JAG1: variants seen among roughly 807,000 people sequenced by gnomAD.
JAG1 encodes jagged canonical Notch ligand 1.
A neutral mutation model predicts 148.7 loss-of-function variants in JAG1; 23 were observed. The observed-to-expected ratio is 0.15, with a 90% CI of 0.11 to 0.22. The LOEUF is 0.22. Among genes scored for constraint, JAG1 ranks in the 10% least tolerant of loss-of-function variants. The probability of loss-of-function intolerance (pLI) is 1.00; values close to 1 mark genes in which losing one functional copy is unlikely to be tolerated. For missense variants in JAG1, 1,054 were observed against 1,611.2 expected (o/e 0.65, Z 5.92); for synonymous variants, 572 against 598.3 (o/e 0.96, Z 0.64).
intron 5 of JAG1, among the ~76,000 whole-genome samples, chr20:10,655,357 G>A (rs1018202793): frequency 2.6e-5 from 4 of 152,168 alleles, no homozygotes; most frequent in African/African-American, 9.7e-5. Context: ...CCACGAACCT[G>A]CATTTTAACA....
chr20:10,660,718 T>C (rs550307488), intron 3 of JAG1, among the ~76,000 whole-genome samples: 11 of 152,342 alleles, frequency 7.2e-5, no homozygotes, highest in African/African-American at 2.2e-4. Flanking sequence ...CGAGCATGTC[T>C]GGGTTCAAAT....
In JAG1 at chr20:10,673,038, G is replaced by T; in HGVS notation, c.82-32C>A. On this transcript the variant is annotated intron_variant, in intron 1 of 25. Transcript: ENST00000254958. The surrounding 1 kb of genome is among the most constrained non-coding windows in gnomAD (Gnocchi z 4.7). ...GCGAGGGAAGGAGGTAGGTCAGCGC[G>T]GGAGAAAGCTGTTTTCTTCGAGTAT... is the stretch of plus-strand genomic sequence containing the variant. 1.9e-6 allele frequency: 3 copies of T among 1,597,550 alleles called. No homozygotes were observed. The highest frequency in any genetic ancestry group is 2.5e-6 in the Non-Finnish European group (3 of 1,176,704).
chr20:10,650,585 T>TG, intron 8 of JAG1: 1 of 539,848 alleles, frequency 1.9e-6, no homozygotes, highest in Non-Finnish European at 3.3e-6. Context: ...ACCTAAGCAG[T>TG]GGGGGAGAAA....
chr20:10,656,378 C>A lies in JAG1; in HGVS notation c.755+20G>T. 1.2e-6 allele frequency: 2 copies of A among 1,600,356 alleles called. No homozygotes were observed. The highest frequency in any genetic ancestry group is 1.3e-5 in the African/African-American group (1 of 74,724). ...TAAAGGAAAATTAAAAGAAATCTCACAAAAGACCAGTTGATTTACCTGCAG... is the reference window on the plus strand; with the variant it reads ...TAAAGGAAAATTAAAAGAAATCTCAAAAAAGACCAGTTGATTTACCTGCAG... On this transcript the variant is annotated intron_variant, in intron 5 of 25. Coordinates refer to ENST00000254958, the MANE Select transcript of JAG1 (RefSeq NM_000214.3).
At chr20:10,642,043 T>C in intron 21 of JAG1, 151 bp from the exon 22 acceptor site, 1 of 711,986 alleles carries the variant, frequency 1.4e-6, no homozygotes, top group South Asian at 1.5e-5. Context: ...CTTCCTGCCT[T>C]TGCTGGCTCT....
At position 10,658,728 on chromosome 20, in the gene JAG1, G is replaced by A; in HGVS notation, c.440-6C>T. On this transcript the variant is annotated splice_region_variant and splice_polypyrimidine_tract_variant and intron_variant, in intron 3 of 25. Transcript: ENST00000254958. ...TTCAATAATACTGTCAGGTTCTAGAGACAAAGTGATGAATCATGTTAATAT... is the reference window on the plus strand; with the variant it reads ...TTCAATAATACTGTCAGGTTCTAGAAACAAAGTGATGAATCATGTTAATAT... 2 of 1,614,106 alleles carry A rather than the reference G, an allele frequency of 1.2e-6. No homozygotes were observed. The highest frequency in any genetic ancestry group is 1.7e-6 in the Non-Finnish European group (2 of 1,179,986).
At position 10,673,915 on chromosome 20, in the gene JAG1, A is replaced by C. The variant is rs1051412; in HGVS notation, c.-385T>G. ...GGGGAGGGAGGGGAGAAAAAAAAAA[A>C]CCAGCCTAGCTCGCGGGCCGGCCGC... is the stretch of plus-strand genomic sequence containing the variant. On this transcript the variant is annotated 5_prime_UTR_variant, in exon 1 of 26. Transcript: ENST00000254958. The surrounding 1 kb of genome is among the most constrained non-coding windows in gnomAD (Gnocchi z 4.7). 83,176 of 151,514 alleles carry C rather than the reference A, an allele frequency of 0.55. 23,579 individuals carry two copies. Among genetic ancestry groups the C allele is most frequent in the African/African-American group, 0.69 (28,365 of 41,114 alleles). 9.4% of individuals were successfully genotyped at this position (151,514 alleles called of 1,614,324 possible).
chr20:10,646,585 G>A (rs927643887), intron 14 of JAG1, among the ~76,000 whole-genome samples: 1 of 151,912 alleles, frequency 6.6e-6, no homozygotes, highest in African/African-American at 2.4e-5. Context: ...GGGGTCGGGG[G>A]GTGGATCATC....
In JAG1 at chr20:10,673,060, G is replaced by A; in HGVS notation, c.82-54C>T. On this transcript the variant is annotated intron_variant, in intron 1 of 25. Coordinates refer to ENST00000254958, the MANE Select transcript of JAG1 (RefSeq NM_000214.3). This position sits in a 1 kb window ranked among gnomAD's most constrained non-coding sequence, Gnocchi z 4.7. ...CGCGGGAGAAAGCTGTTTTCTTCGA[G>A]TATAGAGGTGGCGACTCCCTCCCAC... 1 of 1,548,106 alleles carries A rather than the reference G, an allele frequency of 6.5e-7. No individual in the cohort carries two copies. The highest frequency in any genetic ancestry group is 8.8e-7 in the Non-Finnish European group (1 of 1,135,508).
chr20:10,672,696 C>T lies in JAG1; in HGVS notation c.387+5G>A. 6.2e-7 allele frequency: 1 copy of T among 1,612,412 alleles called. No homozygotes were observed. Among genetic ancestry groups the T allele is most frequent in the Non-Finnish European group, 8.5e-7 (1 of 1,179,934 alleles). Reference sequence around the variant, plus strand: ...GCCCGGCCTCCTTCCCGAGTAGTCACTCACCGGCCAGGCGAAACTGAAAGG... The same window carrying T: ...GCCCGGCCTCCTTCCCGAGTAGTCATTCACCGGCCAGGCGAAACTGAAAGG... On this transcript the variant is annotated splice_donor_5th_base_variant and intron_variant, in intron 2 of 25. Coordinates refer to ENST00000254958, the MANE Select transcript of JAG1 (RefSeq NM_000214.3).
rs533445455 is a variant in JAG1 at position 10,644,578 on chromosome 20, G to A, written c.2345-194C>T. 2.4e-4 allele frequency: 160 copies of A among 668,806 alleles called. No individual in the cohort carries two copies. In the African/African-American group the frequency reaches 2.5e-3, roughly 10 times the overall value. 41.4% of individuals were successfully genotyped at this position (668,806 alleles called of 1,614,324 possible). A position where few individuals can be genotyped will look rare whatever the true frequency, so the allele number is the denominator to read the frequency against. On this transcript the variant is annotated intron_variant, in intron 18 of 25. Coordinates refer to ENST00000254958, the MANE Select transcript of JAG1 (RefSeq NM_000214.3). ...TTTGCTGTGGGACACATGTACACAGGAAGAGGCCCTGGTAGGGGATAGGGG... is the reference window on the plus strand; with the variant it reads ...TTTGCTGTGGGACACATGTACACAGAAAGAGGCCCTGGTAGGGGATAGGGG...
chr20:10,664,880 C>A (rs2067442736), intron 2 of JAG1, among the ~76,000 whole-genome samples: 1 of 152,336 alleles, frequency 6.6e-6, no homozygotes, highest in Non-Finnish European at 1.5e-5. Context: ...ACCTCCCCAC[C>A]CCCAGCCAAA....
Position 10,640,788 on chromosome 20 carries a change from C to G in JAG1, c.3194G>C (p.Arg1065Thr). 1 of 1,614,198 alleles carries G rather than the reference C, an allele frequency of 6.2e-7. No homozygotes were observed. Among genetic ancestry groups the G allele is most frequent in the Non-Finnish European group, 8.5e-7 (1 of 1,180,024 alleles). ...VRVQRRPLKN[R>T]TDFLVPLLSS... ...TAGTCCCACTTGACACCTACCTGTT[C>G]TGTTCTTCAGAGGCCGCCTCTGAAC... Residue 1065 changes from arginine (R) to threonine (T), a missense_variant, in exon 25 of 26, where the codon AGA becomes ACA. Physicochemically the swap from Arg to Thr is moderately conservative, Grantham distance 71. Coordinates refer to ENST00000254958, the MANE Select transcript of JAG1 (RefSeq NM_000214.3).
In JAG1 at chr20:10,645,277, G is replaced by T; in HGVS notation, c.2114-21C>A. The T allele has an allele frequency of 1.2e-6, 2 of 1,608,700 alleles. No homozygotes were observed. The highest frequency in any genetic ancestry group is 1.7e-6 in the Non-Finnish European group (2 of 1,175,066). On this transcript the variant is annotated intron_variant, in intron 16 of 25. Coordinates refer to ENST00000254958, the MANE Select transcript of JAG1 (RefSeq NM_000214.3). This position sits in a 1 kb window ranked among gnomAD's most constrained non-coding sequence, Gnocchi z 6.1. ...GTCACCTGGAGGAAAATATTTCAGT[G>T]TGAGTCCCAGTGGCCCCCTCCCACA...
intron 2 of JAG1, among the ~76,000 whole-genome samples, chr20:10,670,320 G>T (rs2067487183): frequency 6.6e-6 from 1 of 152,190 alleles, no homozygotes; most frequent in Admixed American, 6.5e-5. Context: ...TCATGCAAAT[G>T]GTAATTGTGC....
rs79338570 is a variant in JAG1 at position 10,672,794 on chromosome 20, G to A, written c.294C>T (p.Ser98=). ...AGGPCSFGSG[S]TPVIGGNTFN... is the part of the protein sequence containing the mutation. ...AGGTGTTGCCCCCGATGACAGGCGT[G>A]GACCCTGAGCCGAAGCTGCAGGGCC... is the stretch of plus-strand genomic sequence containing the variant. Residue 98 remains serine (S), a synonymous_variant, in exon 2 of 26, where the codon TCC becomes TCT. Coordinates refer to ENST00000254958, the MANE Select transcript of JAG1 (RefSeq NM_000214.3). The A allele has an allele frequency of 2.5e-3, 4,099 of 1,613,114 alleles. 85 individuals carry two copies. The African/African-American group carries it at 0.048, about 19-fold the overall frequency.
chr20:10,655,134 G>A (rs59575771), intron 5 of JAG1, among the ~76,000 whole-genome samples: 3,257 of 152,300 alleles, frequency 0.021, 104 homozygotes, highest in African/African-American at 0.074. Context: ...GAGACAATTC[G>A]GGACAACCAG....
chr20:10,645,508 C>A lies in JAG1; in HGVS notation c.2000-39G>T, dbSNP rs1402320152. On this transcript the variant is annotated intron_variant, in intron 15 of 25. Coordinates refer to ENST00000254958, the MANE Select transcript of JAG1 (RefSeq NM_000214.3). The surrounding 1 kb of genome is among the most constrained non-coding windows in gnomAD (Gnocchi z 6.1). The stretch of plus-strand genomic sequence containing the variant: ...GGAGACAATCGGCTGAAGACGAGAT[C>A]CAGGACCATTCACGACAGGCGAGAG... 6.5e-7 allele frequency: 1 copy of A among 1,535,170 alleles called. No individual in the cohort carries two copies. Among genetic ancestry groups the A allele is most frequent in the Admixed American group, 1.7e-5 (1 of 59,898 alleles).
At chr20:10,670,653 A>G (rs1174585871) in intron 2 of JAG1, among the ~76,000 whole-genome samples, 1 of 152,214 alleles carries the variant, frequency 6.6e-6, no homozygotes, top group Non-Finnish European at 1.5e-5. Context: ...ATTAAATCTT[A>G]TGTTTCACAG....
Sources: gnomAD v4.1 joint callset for allele counts (sites outside exome capture counted in the v4.1 genomes callset) on GRCh38, gnomAD v4.1.1 for gene constraint, Gnocchi (gnomAD v3.1) non-coding constraint, MANE v1.5 for transcripts, NCBI Gene and HGNC (gene_info 2026-07-23, HGNC 2026-07-21) for gene names.